FGGY: variants seen among roughly 807,000 people sequenced by gnomAD.
FGGY encodes FGGY carbohydrate kinase domain-containing protein.
A neutral mutation model predicts 71.3 loss-of-function variants in FGGY; 72 were observed. That is an observed-to-expected ratio of 1.01 (90% confidence interval 0.84 to 1.23). The LOEUF (loss-of-function observed/expected upper bound fraction) is 1.23. FGGY is among the 50% of genes most tolerant of loss of function. The pLI is 0.00. For missense variants in FGGY, 668 were observed against 682.3 expected, an observed-to-expected ratio of 0.98 and a Z score of 0.23; for synonymous variants, 251 against 250.3, an observed-to-expected ratio of 1.00 and a Z score of -0.02.
intron 6 of FGGY, among the ~76,000 whole-genome samples, chr1:59,463,701 CAG>C (rs2092418927): frequency 1.4e-5 from 2 of 145,730 alleles, no homozygotes; most frequent in Admixed American, 6.8e-5. Context: ...AAAAAAAAGG[CAG>C]GGGTTGCAAT....
chr1:59,599,095 C>CGTTTGTTTGTTT (rs5774477), intron 8 of FGGY, among the ~76,000 whole-genome samples: 181 of 151,454 alleles, frequency 1.2e-3, no homozygotes, highest in East Asian at 2.0e-3. Flanking sequence ...TACACATGTT[C>CGTTTGTTTGTTT]GTTTGTTTGT....
At chr1:59,615,224 A>G (rs374081143) in intron 9 of FGGY, among the ~76,000 whole-genome samples, 6 of 152,096 alleles carry the variant, frequency 3.9e-5, no homozygotes, top group African/African-American at 7.2e-5. Flanking sequence ...AAAGCTGGAG[A>G]CATCACGCTA....
At chr1:59,697,239 TTGG>T (rs1355667057) in intron 14 of FGGY, among the ~76,000 whole-genome samples, 3 of 152,188 alleles carry the variant, frequency 2.0e-5, no homozygotes, top group Admixed American at 6.5e-5. Context: ...AGTGTACGGT[TTGG>T]TGGTATTAAG....
intron 7 of FGGY, among the ~76,000 whole-genome samples, chr1:59,519,794 G>C (rs2094773230): frequency 6.6e-6 from 1 of 152,132 alleles, no homozygotes; most frequent in Non-Finnish European, 1.5e-5. Context: ...TCTGCATGAG[G>C]GAATTGAAGG....
chr1:59,681,389 C>T (rs1027763850), intron 14 of FGGY, among the ~76,000 whole-genome samples: 2 of 152,148 alleles, frequency 1.3e-5, no homozygotes, highest in Non-Finnish European at 2.9e-5. Context: ...TTTATAAAAG[C>T]AACCAAGGGC....
At chr1:59,364,607 CAT>C (rs1390358077) in intron 4 of FGGY, among the ~76,000 whole-genome samples, 1 of 152,180 alleles carries the variant, frequency 6.6e-6, no homozygotes, top group Admixed American at 6.5e-5. Context: ...TAATAAAAAA[CAT>C]AGCTCTTGCC....
intron 8 of FGGY, among the ~76,000 whole-genome samples, chr1:59,555,833 CT>C: frequency 6.6e-6 from 1 of 152,118 alleles, no homozygotes; most frequent in Admixed American, 6.5e-5. Flanking sequence ...AACCCCGTCT[CT>C]ACTACAAATA....
At position 59,369,782 on chromosome 1, in the gene FGGY, C is replaced by A. The variant is rs559904485; in HGVS notation, c.466-8967C>A. Among the ~76,000 whole-genome samples the A allele has an allele frequency of 1.3e-4, 20 of 152,338 alleles. No homozygotes were observed. The East Asian group carries it at 3.5e-3, about 26-fold the overall frequency. The stretch of plus-strand genomic sequence containing the variant: ...AAAAACGACTGTTCTGCAGACACCG[C>A]TGCTGATACCCAGGCAAACAGGGTC... On this transcript the variant is annotated intron_variant, in intron 4 of 15. Transcript: ENST00000303721.
chr1:59,382,944 G>C (rs976539296), intron 5 of FGGY, among the ~76,000 whole-genome samples: 2 of 152,124 alleles, frequency 1.3e-5, no homozygotes, highest in Admixed American at 6.6e-5. Context: ...AGGGCTTTTT[G>C]AAGTTAGCTG....
chr1:59,533,203 A>G (rs1270848193), intron 7 of FGGY, among the ~76,000 whole-genome samples: 1 of 152,094 alleles, frequency 6.6e-6, no homozygotes, highest in Non-Finnish European at 1.5e-5. Context: ...GGGAAGTGCA[A>G]GGGGTCAGGG....
intron 7 of FGGY, among the ~76,000 whole-genome samples, chr1:59,526,828 CCT>C (rs1412510845): frequency 1.6e-4 from 25 of 152,190 alleles, no homozygotes; most frequent in Non-Finnish European, 2.4e-4. Flanking sequence ...GGTTCAAACC[CCT>C]GTTTTGCCAC....
intron 6 of FGGY, among the ~76,000 whole-genome samples, chr1:59,485,396 C>T (rs925575203): frequency 6.6e-6 from 1 of 152,108 alleles, no homozygotes; most frequent in African/African-American, 2.4e-5. Flanking sequence ...CAGTGGCCAT[C>T]CTCTTTCCCT....
At position 59,588,784 on chromosome 1, in the gene FGGY, A is replaced by C. The variant is rs185821085; in HGVS notation, c.904-19019A>C. Among the ~76,000 whole-genome samples the C allele has an allele frequency of 3.2e-3, 493 of 152,334 alleles. 1 individual carries two copies. The highest frequency in any genetic ancestry group is 0.011 in the African/African-American group (446 of 41,576). On this transcript the variant is annotated intron_variant, in intron 8 of 15. Coordinates refer to ENST00000303721, the MANE Select transcript of FGGY (RefSeq NM_018291.5). ...AGGCCTGCCCTAAAAGAGCTCCTGAAGGAAGCACTAAACATGGAAAGGAAC... is the reference window on the plus strand; with the variant it reads ...AGGCCTGCCCTAAAAGAGCTCCTGACGGAAGCACTAAACATGGAAAGGAAC...
chr1:59,479,607 T>C (rs2093397036), intron 6 of FGGY, among the ~76,000 whole-genome samples: 1 of 152,190 alleles, frequency 6.6e-6, no homozygotes, highest in South Asian at 2.1e-4. Flanking sequence ...TCATGAGGCT[T>C]CTGTTTTCTT....
chr1:59,341,289 T>G (rs772247103), intron 3 of FGGY, among the ~76,000 whole-genome samples: 2 of 152,232 alleles, frequency 1.3e-5, no homozygotes, highest in Non-Finnish European at 2.9e-5. Context: ...TTCCATCAGA[T>G]GATGAATTTT....
intron 7 of FGGY, among the ~76,000 whole-genome samples, chr1:59,519,132 T>C (rs2094748859): frequency 6.6e-6 from 1 of 152,246 alleles, no homozygotes; most frequent in Admixed American, 6.5e-5. Flanking sequence ...GCTACACAGT[T>C]AAATGAGAGA....
At chr1:59,647,285 CA>C (rs1441088518) in intron 11 of FGGY, among the ~76,000 whole-genome samples, 1 of 152,110 alleles carries the variant, frequency 6.6e-6, no homozygotes. Flanking sequence ...ATGAGCATAT[CA>C]AAATGGCTTA....
At position 59,565,488 on chromosome 1, in the gene FGGY, G is replaced by A. The variant is rs181150914; in HGVS notation, c.903+11261G>A. On this transcript the variant is annotated intron_variant, in intron 8 of 15. Transcript: ENST00000303721. ...TTTAGTAGAGACGGGGTTTCACCGC[G>A]TTAGCCAGGATGGTCTCGATCTCCT... Among the ~76,000 whole-genome samples, 269 of 152,240 alleles carry A rather than the reference G, an allele frequency of 1.8e-3. 2 individuals carry two copies. Among genetic ancestry groups the A allele is most frequent in the Admixed American group, 4.7e-3 (72 of 15,292 alleles).
At chr1:59,711,926 C>A (rs2100292188) in intron 14 of FGGY, among the ~76,000 whole-genome samples, 1 of 152,260 alleles carries the variant, frequency 6.6e-6, no homozygotes. Context: ...TTCAAAACTA[C>A]TCATGCCTTC....
Sources: gnomAD v4.1 joint callset for allele counts (sites outside exome capture counted in the v4.1 genomes callset) on GRCh38, gnomAD v4.1.1 for gene constraint, MANE v1.5 for transcripts, NCBI Gene and HGNC (gene_info 2026-07-23, HGNC 2026-07-21) for gene names.